STPG2: variants seen among roughly 807,000 people sequenced by gnomAD.
STPG2 encodes the protein sperm tail PG-rich repeat containing 2, also known as sperm-tail PG-rich repeat-containing protein 2.
STPG2 carries 56 observed loss-of-function variants against 54.2 expected under a neutral mutation model. That is an observed-to-expected ratio of 1.03 (90% CI 0.83 to 1.29). STPG2 has a LOEUF of 1.29. STPG2 is among the 50% of genes most tolerant of loss of function. STPG2 has a pLI of 0.00. For missense variants in STPG2, 596 were observed against 544.9 expected, an observed-to-expected ratio of 1.09 and a Z score of -0.93; for synonymous variants, 200 against 181.8, an observed-to-expected ratio of 1.10 and a Z score of -0.81.
Position 97,687,944 on chromosome 4 carries a change from C to T in STPG2, c.1320+24755G>A, listed in dbSNP as rs150271568. On this transcript the variant is annotated intron_variant, in intron 10 of 10. Coordinates refer to ENST00000295268, the MANE Select transcript of STPG2 (RefSeq NM_174952.3). ...AAGGATAAAATTAAGTATTCTTAAA[C>T]TCCCAAATTTTATGACTTAAATGCA... Among the ~76,000 whole-genome samples, 1,451 of 152,106 alleles carry T rather than the reference C, an allele frequency of 9.5e-3. 11 individuals are homozygous for T. Among genetic ancestry groups the T allele is most frequent in the Middle Eastern group, 0.052 (15 of 290 alleles).
intron 5 of STPG2, among the ~76,000 whole-genome samples, chr4:97,999,548 C>A (rs926800549): frequency 6.6e-6 from 1 of 151,988 alleles, no homozygotes; most frequent in Non-Finnish European, 1.5e-5. Flanking sequence ...ACTAAAAATA[C>A]AAAAATTAGC....
intron 9 of STPG2, among the ~76,000 whole-genome samples, chr4:97,775,863 G>T (rs1726358701): frequency 6.6e-6 from 1 of 152,142 alleles, no homozygotes; most frequent in Non-Finnish European, 1.5e-5. Context: ...CCAGGTTCCA[G>T]TGATCCTCCT....
intron 8 of STPG2, among the ~76,000 whole-genome samples, chr4:97,876,051 G>A (rs928192014): frequency 2.6e-4 from 40 of 151,962 alleles, no homozygotes; most frequent in Non-Finnish European, 4.3e-4. Context: ...TACACAGTTC[G>A]TCTACTGTAT....
intron 8 of STPG2, among the ~76,000 whole-genome samples, chr4:97,929,036 C>T (rs1468829642): frequency 6.6e-6 from 1 of 152,116 alleles, no homozygotes; most frequent in Non-Finnish European, 1.5e-5. Flanking sequence ...CCTTCTCCCA[C>T]CCTCCACCCT....
intron 4 of STPG2, among the ~76,000 whole-genome samples, chr4:97,547,114 C>A (rs1297547315): frequency 1.2e-4 from 18 of 151,372 alleles, no homozygotes. Flanking sequence ...TACGTACGAA[C>A]TAAAAATGAA....
chr4:97,549,587 C>T (rs998671606), intron 4 of STPG2, among the ~76,000 whole-genome samples: 6 of 152,084 alleles, frequency 3.9e-5, no homozygotes, highest in Admixed American at 1.3e-4. Context: ...GAAAAAGGGT[C>T]TTTGCAGGTA....
At chr4:97,738,709 A>C (rs919563627) in intron 9 of STPG2, among the ~76,000 whole-genome samples, 1 of 152,128 alleles carries the variant, frequency 6.6e-6, no homozygotes, top group Non-Finnish European at 1.5e-5. Context: ...CAGATTCATA[A>C]AGCAAGTCCT....
rs942927787 is a variant in STPG2 at position 97,954,872 on chromosome 4, GA to G, written c.934-10866del. Among the ~76,000 whole-genome samples the G allele has an allele frequency of 7.9e-5, 12 of 151,224 alleles. No individual in the cohort carries two copies. In the South Asian group the frequency reaches 8.4e-4, roughly 11 times the overall value. Reference sequence around the variant, plus strand: ...CAGAAGGCATGGTCAAAAATCAAGAGAAAAAAAACATAAAATAACAGACTAA... The same window carrying G: ...CAGAAGGCATGGTCAAAAATCAAGAGAAAAAAACATAAAATAACAGACTAA... On this transcript the variant is annotated intron_variant, in intron 7 of 10. Coordinates refer to ENST00000295268, the MANE Select transcript of STPG2 (RefSeq NM_174952.3).
intron 9 of STPG2, among the ~76,000 whole-genome samples, chr4:97,752,886 A>C (rs373971543): frequency 6.6e-6 from 1 of 151,872 alleles, no homozygotes; most frequent in Non-Finnish European, 1.5e-5. Flanking sequence ...CTCTAAATTC[A>C]TAAAGCCTTT....
At chr4:98,004,165 T>A (rs959940593) in intron 5 of STPG2, among the ~76,000 whole-genome samples, 1 of 152,156 alleles carries the variant, frequency 6.6e-6, no homozygotes, top group African/African-American at 2.4e-5. Flanking sequence ...ATTCTCCACC[T>A]CCCAGCCCCT....
intron 8 of STPG2, among the ~76,000 whole-genome samples, chr4:97,887,633 A>C (rs759853812): frequency 8.5e-5 from 13 of 152,248 alleles, no homozygotes; most frequent in Non-Finnish European, 1.8e-4. Context: ...AGCAGAGCTT[A>C]AAAGTTAGAA....
chr4:97,627,838 T>TG (rs1444913677), intron 10 of STPG2, among the ~76,000 whole-genome samples: 1 of 148,606 alleles, frequency 6.7e-6, no homozygotes, highest in African/African-American at 2.6e-5. Context: ...CCCAGGAAAC[T>TG]GGTTGATGTA....
chr4:97,792,712 C>T (rs1014768287), intron 9 of STPG2, among the ~76,000 whole-genome samples: 1 of 152,004 alleles, frequency 6.6e-6, no homozygotes, highest in Non-Finnish European at 1.5e-5. Context: ...ATCTAATCTC[C>T]AAATCTCCTT....
intron 9 of STPG2, among the ~76,000 whole-genome samples, chr4:97,793,509 T>C (rs190294783): frequency 1.3e-5 from 2 of 152,150 alleles, no homozygotes; most frequent in Admixed American, 6.5e-5. Flanking sequence ...GTACACAATA[T>C]GTACAGCTTT....
intron 9 of STPG2, among the ~76,000 whole-genome samples, chr4:97,738,308 G>A (rs1038046524): frequency 2.6e-5 from 4 of 152,056 alleles, no homozygotes; most frequent in African/African-American, 7.2e-5. Context: ...ATCAACTAAC[G>A]AGCAAAATAA....
At chr4:98,045,001 T>C (rs1967978) in intron 5 of STPG2, among the ~76,000 whole-genome samples, 59,704 of 151,594 alleles carry the variant, frequency 0.39, 11,971 homozygotes, top group Middle Eastern at 0.46. Context: ...GTACTAGCTG[T>C]TGTAGCAGTG....
chr4:97,920,200 T>A (rs1732043743), intron 8 of STPG2, among the ~76,000 whole-genome samples: 2 of 152,142 alleles, frequency 1.3e-5, no homozygotes, highest in East Asian at 3.9e-4. Flanking sequence ...AGTGCAGTCT[T>A]TCCCCATATC....
intron 9 of STPG2, among the ~76,000 whole-genome samples, chr4:97,810,413 G>A (rs193067374): frequency 2.9e-4 from 43 of 148,376 alleles, no homozygotes; most frequent in African/African-American, 9.5e-4. Context: ...GCAGTGAGCC[G>A]AGATTGCACC....
intron 4 of STPG2, among the ~76,000 whole-genome samples, chr4:97,501,272 T>G (rs987755785): frequency 6.6e-6 from 1 of 151,796 alleles, no homozygotes; most frequent in African/African-American, 2.4e-5. Context: ...TCACATAAAG[T>G]CAGTGCAGAT....
Sources: gnomAD v4.1 joint callset for allele counts (sites outside exome capture counted in the v4.1 genomes callset) on GRCh38, gnomAD v4.1.1 for gene constraint, MANE v1.5 for transcripts, NCBI Gene and HGNC (gene_info 2026-07-23, HGNC 2026-07-21) for gene names.